SAMD12: variants seen among roughly 807,000 people sequenced by gnomAD.
SAMD12 encodes sterile alpha motif domain-containing protein 12.
Under a neutral mutation model 15.0 loss-of-function variants are expected in SAMD12, and 9 were observed. The ratio of observed to expected loss-of-function variants is 0.60; its 90% confidence interval spans 0.36 to 1.05. SAMD12 has a LOEUF of 1.05. Ranked by LOEUF, SAMD12 falls within the 50% of genes least tolerant of loss-of-function variation. SAMD12 has a pLI of 0.01. For synonymous variants in SAMD12, 86 were observed against 90.1 expected, an observed-to-expected ratio of 0.96 and a Z score of 0.25; for missense variants, 230 against 234.2, an observed-to-expected ratio of 0.98 and a Z score of 0.12.
At chr8:118,353,701 T>C (rs1419411750) in intron 4 of SAMD12, among the ~76,000 whole-genome samples, 31 of 152,182 alleles carry the variant, frequency 2.0e-4, no homozygotes, top group Non-Finnish European at 4.4e-4. Flanking sequence ...GTGCTGTTTA[T>C]TTCCATTTCC....
intron 4 of SAMD12, among the ~76,000 whole-genome samples, chr8:118,314,598 ATAATTTTGT>A (rs1310040144): frequency 6.6e-6 from 1 of 152,148 alleles, no homozygotes; most frequent in Non-Finnish European, 1.5e-5. Context: ...TGCCATCTCT[ATAATTTTGT>A]TATTTCAAGA....
At chr8:118,342,448 A>C (rs1318768325) in intron 4 of SAMD12, among the ~76,000 whole-genome samples, 1 of 152,184 alleles carries the variant, frequency 6.6e-6, no homozygotes, top group East Asian at 1.9e-4. Flanking sequence ...TAACTCTATC[A>C]TGCCCACAAG....
chr8:118,244,152 C>A (rs747368337), intron 4 of SAMD12, among the ~76,000 whole-genome samples: 1 of 152,098 alleles, frequency 6.6e-6, no homozygotes, highest in Non-Finnish European at 1.5e-5. Flanking sequence ...CAACCAGCAG[C>A]CATTGTTGGA....
intron 4 of SAMD12, among the ~76,000 whole-genome samples, chr8:118,204,349 ACT>A: frequency 6.6e-6 from 1 of 152,056 alleles, no homozygotes; most frequent in South Asian, 2.1e-4. Flanking sequence ...CATGTCTGCC[ACT>A]CTCTGCCCCA....
At chr8:118,360,017 T>G (rs1818411456) in intron 4 of SAMD12, among the ~76,000 whole-genome samples, 1 of 152,146 alleles carries the variant, frequency 6.6e-6, no homozygotes, top group Non-Finnish European at 1.5e-5. Context: ...CCTTACATGG[T>G]CTGAGGTGGA....
chr8:118,561,237 T>A (rs934952997), intron 2 of SAMD12, among the ~76,000 whole-genome samples: 4 of 152,232 alleles, frequency 2.6e-5, no homozygotes, highest in African/African-American at 9.6e-5. Flanking sequence ...AAACTTTTGA[T>A]AATGTATAGC....
chr8:118,203,620 T>A (rs1004736554), intron 4 of SAMD12, among the ~76,000 whole-genome samples: 1 of 152,112 alleles, frequency 6.6e-6, no homozygotes, highest in African/African-American at 2.4e-5. Flanking sequence ...CTTTAAGTTC[T>A]AGGGTACATG....
intron 4 of SAMD12, among the ~76,000 whole-genome samples, chr8:118,356,804 C>T: frequency 6.6e-6 from 1 of 152,184 alleles, no homozygotes; most frequent in East Asian, 1.9e-4. Flanking sequence ...GCTTCTTCTT[C>T]CTCAGCACAG....
At chr8:118,615,885 G>T (rs1828227101) in intron 1 of SAMD12, among the ~76,000 whole-genome samples, 1 of 152,186 alleles carries the variant, frequency 6.6e-6, no homozygotes, top group African/African-American at 2.4e-5. Flanking sequence ...AGCTAAGAGG[G>T]CTACAAAAGA....
chr8:118,184,177 T>A, the SAMD12 span, among the ~76,000 whole-genome samples: 7 of 142,670 alleles, frequency 4.9e-5, no homozygotes, highest in African/African-American at 8.1e-5. Flanking sequence ...TAAAAAAAAA[T>A]ATATAAAACC....
At chr8:118,321,295 G>GTT (rs1380612836) in intron 4 of SAMD12, among the ~76,000 whole-genome samples, 2 of 87,148 alleles carry the variant, frequency 2.3e-5, no homozygotes. Context: ...TTTTTTTTTT[G>GTT]TTTTTTTTTT....
intron 3 of SAMD12, among the ~76,000 whole-genome samples, chr8:118,426,702 G>C (rs879232462): frequency 6.6e-6 from 1 of 152,172 alleles, no homozygotes; most frequent in Non-Finnish European, 1.5e-5. Flanking sequence ...CCTTGGAGCA[G>C]TAGTTTACTT....
chr8:118,138,672 A>T, the SAMD12 span, among the ~76,000 whole-genome samples: 1 of 152,234 alleles, frequency 6.6e-6, no homozygotes, highest in Non-Finnish European at 1.5e-5. Context: ...ATGGTATTTC[A>T]ATCAGAATAG....
chr8:118,222,263 G>A (rs1424990610), intron 4 of SAMD12, among the ~76,000 whole-genome samples: 3 of 152,098 alleles, frequency 2.0e-5, no homozygotes, highest in South Asian at 2.1e-4. Flanking sequence ...TGTTGGATAT[G>A]TATTATAGAT....
intron 2 of SAMD12, among the ~76,000 whole-genome samples, chr8:118,536,003 G>C (rs1305829392): frequency 6.6e-6 from 1 of 152,180 alleles, no homozygotes; most frequent in Non-Finnish European, 1.5e-5. Flanking sequence ...CAGTACCTCA[G>C]TTGGAAATGC....
chr8:118,575,304 G>A (rs979364592), intron 2 of SAMD12, among the ~76,000 whole-genome samples: 1 of 152,240 alleles, frequency 6.6e-6, no homozygotes, highest in Admixed American at 6.5e-5. Context: ...CACTGTTTTA[G>A]ATGTTGGCAT....
chr8:118,400,988 T>C (rs749743043), intron 3 of SAMD12, among the ~76,000 whole-genome samples: 3 of 152,238 alleles, frequency 2.0e-5, no homozygotes, highest in Non-Finnish European at 1.5e-5. Flanking sequence ...AACTTCACTA[T>C]TACAGTGAAG....
At chr8:118,423,274 T>A (rs1419534288) in intron 3 of SAMD12, among the ~76,000 whole-genome samples, 1 of 152,196 alleles carries the variant, frequency 6.6e-6, no homozygotes, top group Non-Finnish European at 1.5e-5. Context: ...ACCTCCTTTA[T>A]TCTTCCCTCC....
intron 2 of SAMD12, among the ~76,000 whole-genome samples, chr8:118,548,016 C>T (rs1826181433): frequency 6.6e-6 from 1 of 152,050 alleles, no homozygotes; most frequent in Admixed American, 6.5e-5. Context: ...GGTTACCAAA[C>T]CCAACTCTTC....
Sources: gnomAD v4.1 joint callset for allele counts (sites outside exome capture counted in the v4.1 genomes callset) on GRCh38, gnomAD v4.1.1 for gene constraint, MANE v1.5 for transcripts, NCBI Gene and HGNC (gene_info 2026-07-23, HGNC 2026-07-21) for gene names.